Variants in ZNF160 observed in about 807,000 individuals in gnomAD.
ZNF160 encodes the protein zinc finger protein 160.
In ZNF160, 9 loss-of-function variants were observed where a neutral mutation model predicts 13.1. That is an observed-to-expected ratio of 0.69 (90% CI 0.41 to 1.20). The LOEUF (loss-of-function observed/expected upper bound fraction) is 1.20, where lower values mean the gene tolerates loss of function less well. ZNF160 is among the 50% of genes most tolerant of loss of function. The pLI is 0.01. For missense variants in ZNF160, 838 were observed against 988.0 expected (o/e 0.85, Z 2.04); for synonymous variants, 293 against 333.2 (o/e 0.88, Z 1.31).
chr19:53,089,784 T>G (rs373435924), intron 2 of ZNF160, among the ~76,000 whole-genome samples: 189 of 152,238 alleles, frequency 1.2e-3, no homozygotes, highest in African/African-American at 4.4e-3. Flanking sequence ...TCTCTCATTC[T>G]GTACATATCT....
chr19:53,103,372 A>C lies in ZNF160; in HGVS notation c.-461T>G, dbSNP rs1454908999. Reference sequence around the variant, plus strand: ...GCAGGTTGAGTCTACACAGAGGAACACTCATACGCCATGGTGTGATGCTTG... The same window carrying C: ...GCAGGTTGAGTCTACACAGAGGAACCCTCATACGCCATGGTGTGATGCTTG... On this transcript the variant is annotated 5_prime_UTR_variant, in exon 1 of 6. Transcript: ENST00000683776. The C allele has an allele frequency of 2.6e-5, 4 of 152,220 alleles. No individual in the cohort carries two copies. The highest frequency in any genetic ancestry group is 3.9e-4 in the East Asian group (2 of 5,138). The allele number at this position is 152,220 out of a possible 1,614,324, so 9.4% of individuals were successfully genotyped here. A position where few individuals can be genotyped will look rare whatever the true frequency, so the allele number is the denominator to read the frequency against.
Position 53,069,387 on chromosome 19 carries a change from G to T in ZNF160, c.1147C>A (p.His383Asn). 6.2e-7 allele frequency: 1 copy of T among 1,613,734 alleles called. No individual in the cohort carries two copies. Among genetic ancestry groups the T allele is most frequent in the Non-Finnish European group, 8.5e-7 (1 of 1,179,950 alleles). ...TGAATTCTCCAATGACTTATAAGGT[G>T]TGAATTTTGAGTGAAGAGCTTGCCA... ...ECGKLFTQNS[H>N]LISHWRIHTG... is the part of the protein sequence containing the mutation. Residue 383 changes from histidine to asparagine, a missense_variant, in exon 6 of 6, where the codon CAC becomes AAC. Coordinates refer to ENST00000683776, the MANE Select transcript of ZNF160 (RefSeq NM_001322131.2). The surrounding 1 kb of genome is among the most constrained non-coding windows in gnomAD (Gnocchi z 4.4).
At chr19:53,073,383 G>A in intron 5 of ZNF160, 3 of 1,598,424 alleles carry the variant, frequency 1.9e-6, no homozygotes, top group South Asian at 1.1e-5. Flanking sequence ...CATGAAAGTG[G>A]CAAAAGCAGA....
chr19:53,101,160 A>G (rs1220394176), intron 1 of ZNF160, among the ~76,000 whole-genome samples: 1 of 152,012 alleles, frequency 6.6e-6, no homozygotes, highest in Non-Finnish European at 1.5e-5. Flanking sequence ...CACACCTGTA[A>G]TCCCAGCTAG....
chr19:53,092,702 G>A (rs2085081714), intron 1 of ZNF160, among the ~76,000 whole-genome samples: 1 of 152,162 alleles, frequency 6.6e-6, no homozygotes, highest in Non-Finnish European at 1.5e-5. Flanking sequence ...TAATTTTATG[G>A]CAACATCTGT....
rs762909626 is a variant in ZNF160 at position 53,068,968 on chromosome 19, T to C, written c.1566A>G (p.Ser522=). ...GGATTGCCTGATGGGTAGTCAGACT[T>C]GAACGAACACTGAAGGCTTTCCCAC... is the stretch of plus-strand genomic sequence containing the variant. ...NECGKAFSVR[S]SLTTHQAIHS... is the part of the protein sequence containing the mutation. The change falls in exon 6 of 6, where the codon TCA becomes TCG. Residue 522 remains serine (S), a synonymous_variant. Transcript: ENST00000683776. The C allele has an allele frequency of 1.2e-5, 20 of 1,613,980 alleles. No individual in the cohort carries two copies. The Admixed American group carries it at 1.3e-4, about 11-fold the overall frequency.
chr19:53,081,552 CATA>C (rs1412040012), intron 3 of ZNF160, among the ~76,000 whole-genome samples: 2 of 151,862 alleles, frequency 1.3e-5, no homozygotes, highest in Admixed American at 6.6e-5. Context: ...AAATCAAAAC[CATA>C]ATGAGACACC....
chr19:53,071,935 G>C (rs930529128), intron 5 of ZNF160, among the ~76,000 whole-genome samples: 1 of 151,906 alleles, frequency 6.6e-6, no homozygotes, highest in Non-Finnish European at 1.5e-5. Context: ...ATTAAGAAGC[G>C]GGAATTTTGA....
chr19:53,081,254 A>T, intron 3 of ZNF160, among the ~76,000 whole-genome samples: 1 of 152,196 alleles, frequency 6.6e-6, no homozygotes, highest in East Asian at 1.9e-4. Flanking sequence ...ATGCAGCAAA[A>T]TAAAAAATAG....
At chr19:53,072,585 C>T (rs2084219866) in intron 5 of ZNF160, among the ~76,000 whole-genome samples, 2 of 152,148 alleles carry the variant, frequency 1.3e-5, no homozygotes, top group Admixed American at 1.3e-4. Flanking sequence ...GGTGCAGTGG[C>T]TCATGTCTGT....
chr19:53,080,164 T>C (rs2084573782), intron 3 of ZNF160, among the ~76,000 whole-genome samples: 1 of 151,352 alleles, frequency 6.6e-6, no homozygotes, highest in Non-Finnish European at 1.5e-5. Context: ...TGGAGTGCGA[T>C]CTTGGCTCAC....
chr19:53,071,532 G>A (rs1314345624), intron 5 of ZNF160, among the ~76,000 whole-genome samples: 5 of 120,762 alleles, frequency 4.1e-5, no homozygotes, highest in Admixed American at 3.0e-4. Flanking sequence ...GCAAAACTCC[G>A]TCTCATCAAA....
At chr19:53,102,060 T>C (rs1389582945) in intron 1 of ZNF160, among the ~76,000 whole-genome samples, 1 of 152,020 alleles carries the variant, frequency 6.6e-6, no homozygotes, top group Non-Finnish European at 1.5e-5. Context: ...CCTTTTATCT[T>C]CCCCCTAGGA....
In ZNF160 at chr19:53,074,219, T is replaced by C. The variant is rs1340604883; in HGVS notation, c.192A>G (p.Lys64=). The change falls in exon 5 of 6, where the codon AAA becomes AAG. Residue 64 remains lysine (K), a synonymous_variant. Coordinates refer to ENST00000683776, the MANE Select transcript of ZNF160 (RefSeq NM_001322131.2). Reference sequence around the variant, plus strand: ...CACAGCTCTTCACAGTCCAGGGCTCTTTCCCTTCCTCCAACATGGAGATAA... The same window carrying C: ...CACAGCTCTTCACAGTCCAGGGCTCCTTCCCTTCCTCCAACATGGAGATAA... ...MNIISMLEEG[K]EPWTVKSCVK... 7 of 1,614,128 alleles carry C rather than the reference T, an allele frequency of 4.3e-6. No individual in the cohort carries two copies. The East Asian group carries it at 1.3e-4, about 31-fold the overall frequency.
At chr19:53,075,846 G>A (rs76322930) in intron 3 of ZNF160, 40,276 of 518,302 alleles carry the variant, frequency 0.078, 1,812 homozygotes, top group Middle Eastern at 0.13. Flanking sequence ...TCATTGAGAA[G>A]CACAGGCCAC....
chr19:53,072,641 C>T (rs777733056), intron 5 of ZNF160, among the ~76,000 whole-genome samples: 15 of 152,032 alleles, frequency 9.9e-5, no homozygotes, highest in Non-Finnish European at 1.9e-4. Flanking sequence ...CACCTGAAGT[C>T]GAGAGTTCGA....
At position 53,069,008 on chromosome 19, in the gene ZNF160, T is replaced by C. The variant is rs779441384; in HGVS notation, c.1526A>G (p.Tyr509Cys). The C allele has an allele frequency of 6.2e-7, 1 of 1,614,210 alleles. No homozygotes were observed. Among genetic ancestry groups the C allele is most frequent in the Non-Finnish European group, 8.5e-7 (1 of 1,180,038 alleles). The change falls in exon 6 of 6, where the codon TAC becomes TGC. Residue 509 changes from tyrosine (Y) to cysteine (C), a missense_variant. Around this residue, in one of 3 missense-constraint regions of ZNF160, gnomAD observed 400 missense variants for 538.9 expected, o/e 0.74. Transcript: ENST00000683776. This position sits in a 1 kb window ranked among gnomAD's most constrained non-coding sequence, Gnocchi z 4.4. ...HRRIHTGEKP[Y>C]KCNECGKAFS... ...GGCTTTCCCACACTCATTACACTTG[T>C]AAGGTTTCTCTCCAGTATGAATTCT...
chr19:53,092,645 G>A (rs536154224), intron 1 of ZNF160, among the ~76,000 whole-genome samples: 7 of 152,226 alleles, frequency 4.6e-5, no homozygotes, highest in African/African-American at 1.7e-4. Flanking sequence ...CCTATACAAA[G>A]TAAAACTAGA....
At chr19:53,080,410 A>C (rs1362267570) in intron 3 of ZNF160, among the ~76,000 whole-genome samples, 1 of 152,110 alleles carries the variant, frequency 6.6e-6, no homozygotes, top group Non-Finnish European at 1.5e-5. Flanking sequence ...AGTCAGCAGT[A>C]CTCTTAAACG....
Sources: allele counts gnomAD v4.1 joint callset (sites outside exome capture counted in the v4.1 genomes callset), GRCh38; gene constraint gnomAD v4.1.1; regional missense constraint gnomAD v4.1.1; non-coding constraint Gnocchi (gnomAD v3.1); transcripts MANE v1.5; gene names NCBI Gene and HGNC (gene_info 2026-07-23, HGNC 2026-07-21).